The following CIT variants were observed in gnomAD, a reference collection of about 807,000 sequenced individuals.
The protein encoded by CIT is citron Rho-interacting kinase.
CIT carries 79 observed loss-of-function variants against 272.7 expected under a neutral mutation model. That is an observed-to-expected ratio of 0.29 (90% confidence interval 0.24 to 0.35). The LOEUF (loss-of-function observed/expected upper bound fraction) is 0.35, where lower values mean the gene tolerates loss of function less well. Among genes scored for constraint, CIT ranks in the 10% least tolerant of loss-of-function variants. The probability of loss-of-function intolerance (pLI) is 1.00; values close to 1 mark genes in which losing one functional copy is unlikely to be tolerated. For missense variants in CIT, 1,909 were observed against 2,618.3 expected (o/e 0.73, Z 5.91); for synonymous variants, 948 against 995.6 (o/e 0.95, Z 0.90).
At chr12:119,822,251 G>GC (rs1967782658) in intron 9 of CIT, among the ~76,000 whole-genome samples, 1 of 152,216 alleles carries the variant, frequency 6.6e-6, no homozygotes, top group Non-Finnish European at 1.5e-5. Context: ...CCAGGTCTTT[G>GC]TTTTTAATGA....
intron 9 of CIT, among the ~76,000 whole-genome samples, chr12:119,808,822 C>A (rs1566074808): frequency 6.6e-6 from 1 of 151,862 alleles, no homozygotes; most frequent in East Asian, 1.9e-4. Context: ...GGAAGAGTAC[C>A]AAAAAAATAG....
Position 119,784,535 on chromosome 12 carries a change from A to G in CIT, c.1401+425T>C. The stretch of plus-strand genomic sequence containing the variant: ...TCCAGAGCGTTGCCTCTGGGCAGGA[A>G]CAGTGAATGTTAAGAGACGTTGAGC... On this transcript the variant is annotated intron_variant, in intron 11 of 47. Transcript: ENST00000392521. The surrounding 1 kb of genome is among the most constrained non-coding windows in gnomAD (Gnocchi z 4.7). 3 of 1,180,042 alleles carry G rather than the reference A, an allele frequency of 2.5e-6. No homozygotes were observed. The highest frequency in any genetic ancestry group is 7.7e-4 in the Middle Eastern group (2 of 2,602). 73.1% of individuals were successfully genotyped at this position (1,180,042 alleles called of 1,614,324 possible).
chr12:119,805,467 G>A (rs937928703), intron 9 of CIT, among the ~76,000 whole-genome samples: 31 of 152,226 alleles, frequency 2.0e-4, no homozygotes, highest in African/African-American at 6.0e-4. Context: ...GGAATTGCAT[G>A]CTTAGGAGAG....
At chr12:119,792,663 G>C (rs1419298158) in intron 10 of CIT, among the ~76,000 whole-genome samples, 2 of 152,024 alleles carry the variant, frequency 1.3e-5, no homozygotes, top group Non-Finnish European at 2.9e-5. Flanking sequence ...GTAGAGATGG[G>C]GTTTCACCAC....
At chr12:119,855,698 G>C (rs1970542188) in intron 4 of CIT, among the ~76,000 whole-genome samples, 1 of 152,126 alleles carries the variant, frequency 6.6e-6, no homozygotes, top group Non-Finnish European at 1.5e-5. Context: ...GTTAGCGCCT[G>C]TATGTGTATA....
chr12:119,850,359 C>T lies in CIT; in HGVS notation c.415-84G>A, dbSNP rs567059778. On this transcript the variant is annotated intron_variant, in intron 4 of 47. Coordinates refer to ENST00000392521, the MANE Select transcript of CIT (RefSeq NM_001206999.2). The stretch of plus-strand genomic sequence containing the variant: ...CTTTTCCTCTGTCTTTATGCCTAAA[C>T]TGATGTTTCTAGCTTTAAAAAAAAA... The T allele has an allele frequency of 3.7e-5, 19 of 517,836 alleles. No individual in the cohort carries two copies. The African/African-American group carries it at 4.2e-4, about 12-fold the overall frequency. 32.1% of individuals were successfully genotyped at this position (517,836 alleles called of 1,614,324 possible). A position where few individuals can be genotyped will look rare whatever the true frequency, so the allele number is the denominator to read the frequency against.
chr12:119,803,577 C>G, intron 9 of CIT, 188 bp from the exon 10 acceptor site: 1 of 445,062 alleles, frequency 2.2e-6, no homozygotes, highest in Non-Finnish European at 4.0e-6. Flanking sequence ...GCCAACATGG[C>G]CACCAACCCG....
intron 23 of CIT, among the ~76,000 whole-genome samples, chr12:119,749,129 G>A (rs78601162): frequency 0.016 from 2,400 of 152,342 alleles, 74 homozygotes; most frequent in African/African-American, 0.055. Context: ...CTTCAGTCGA[G>A]AGCTTTAATT....
At chr12:119,748,157 C>T (rs1396983554) in intron 23 of CIT, among the ~76,000 whole-genome samples, 1 of 151,792 alleles carries the variant, frequency 6.6e-6, no homozygotes, top group Non-Finnish European at 1.5e-5. Flanking sequence ...AGAGTGAGAC[C>T]CTGTCTCAAA....
In CIT at chr12:119,690,481, G is replaced by A. The variant is rs755372796; in HGVS notation, c.5883-27C>T. 29 of 1,543,926 alleles carry A rather than the reference G, an allele frequency of 1.9e-5. No individual in the cohort carries two copies. The African/African-American group carries it at 3.9e-4, about 21-fold the overall frequency. On this transcript the variant is annotated intron_variant, in intron 46 of 47. Coordinates refer to ENST00000392521, the MANE Select transcript of CIT (RefSeq NM_001206999.2). The surrounding 1 kb of genome is among the most constrained non-coding windows in gnomAD (Gnocchi z 6.0). The stretch of plus-strand genomic sequence containing the variant: ...TGGCGACACAAGAGGAACGTAGGGA[G>A]CTGCGAGGCCACAACCCCAGAGGGG...
chr12:119,796,006 G>T (rs116655515), intron 10 of CIT, among the ~76,000 whole-genome samples: 2,222 of 152,330 alleles, frequency 0.015, 42 homozygotes, highest in African/African-American at 0.05. Flanking sequence ...ACCTGCCAGG[G>T]GCAAGGCACT....
In CIT at chr12:119,857,694, G is replaced by A. The variant is rs139308004; in HGVS notation, c.243C>T (p.Ser81=). 320 of 1,613,008 alleles carry A rather than the reference G, an allele frequency of 2.0e-4. 2 individuals are homozygous for A. In the African/African-American group the frequency reaches 2.6e-3, roughly 13 times the overall value. The change falls in exon 4 of 48, where the codon TCC becomes TCT. Residue 81 remains serine, a synonymous_variant. Coordinates refer to ENST00000392521, the MANE Select transcript of CIT (RefSeq NM_001206999.2). ...GCTCCTGTAACTCAGCTATGGTGTC[G>A]GAATCTGCAAAAGATGCAAGAGTTA... ...KHVSNFVRKY[S]DTIAELQELQ...
intron 5 of CIT, among the ~76,000 whole-genome samples, chr12:119,836,782 T>C (rs1372765794): frequency 2.6e-5 from 4 of 152,164 alleles, no homozygotes; most frequent in Non-Finnish European, 5.9e-5. Context: ...TCTTAAGAAC[T>C]GACAAACTGA....
At chr12:119,754,213 G>A (rs571975727) in intron 22 of CIT, among the ~76,000 whole-genome samples, 2 of 152,288 alleles carry the variant, frequency 1.3e-5, no homozygotes, top group African/African-American at 4.8e-5. Context: ...GAGAGATTAG[G>A]TAACTGAGCA....
intron 20 of CIT, among the ~76,000 whole-genome samples, chr12:119,759,348 G>A (rs1280364118): frequency 3.3e-5 from 5 of 152,200 alleles, no homozygotes; most frequent in Non-Finnish European, 4.4e-5. Flanking sequence ...TGCTCCTAAT[G>A]AGAATCGAAT....
At chr12:119,871,261 T>C (rs1950669024) in intron 2 of CIT, among the ~76,000 whole-genome samples, 1 of 152,092 alleles carries the variant, frequency 6.6e-6, no homozygotes. Flanking sequence ...CCCAGCTGAA[T>C]GTAGCCCCAC....
At chr12:119,840,179 A>G (rs548592821) in intron 5 of CIT, among the ~76,000 whole-genome samples, 1 of 152,320 alleles carries the variant, frequency 6.6e-6, no homozygotes, top group South Asian at 2.1e-4. Context: ...GTGGCAGGGC[A>G]TGGTAGTATA....
intron 20 of CIT, among the ~76,000 whole-genome samples, chr12:119,760,626 C>CA (rs55758251): frequency 2.6e-3 from 306 of 119,138 alleles, no homozygotes; most frequent in East Asian, 8.2e-3. Flanking sequence ...AACCCCACCT[C>CA]AAAAAAAAAA....
Position 119,834,073 on chromosome 12 carries a change from G to A in CIT, c.659+13C>T. On this transcript the variant is annotated intron_variant, in intron 6 of 47. Transcript: ENST00000392521. Reference sequence around the variant, plus strand: ...AATCCTCAGCATAAAAATGCTACCAGAGTCTCACTTACCGATGCACGTATC... The same window carrying A: ...AATCCTCAGCATAAAAATGCTACCAAAGTCTCACTTACCGATGCACGTATC... 1 of 1,597,212 alleles carries A rather than the reference G, an allele frequency of 6.3e-7. No individual in the cohort carries two copies. Among genetic ancestry groups the A allele is most frequent in the Non-Finnish European group, 8.5e-7 (1 of 1,174,032 alleles).
Sources: allele counts gnomAD v4.1 joint callset (sites outside exome capture counted in the v4.1 genomes callset), GRCh38; gene constraint gnomAD v4.1.1; non-coding constraint Gnocchi (gnomAD v3.1); transcripts MANE v1.5; gene names NCBI Gene and HGNC (gene_info 2026-07-23, HGNC 2026-07-21).